The following INPP4B variants were observed in gnomAD, a reference collection of about 807,000 sequenced individuals.
INPP4B encodes inositol polyphosphate 4-phosphatase type II.
In INPP4B, 55 loss-of-function variants were observed where a neutral mutation model predicts 122.5. The observed-to-expected ratio is 0.45, with a 90% CI of 0.36 to 0.56. The LOEUF (loss-of-function observed/expected upper bound fraction) is 0.56. Among genes scored for constraint, INPP4B ranks in the 20% least tolerant of loss-of-function variants. INPP4B has a pLI of 0.00. For synonymous variants in INPP4B, 403 were observed against 388.7 expected, an observed-to-expected ratio of 1.04 and a Z score of -0.43; for missense variants, 1,000 against 1,097.7, an observed-to-expected ratio of 0.91 and a Z score of 1.26.
At chr4:142,445,200 T>G (rs955399017) in intron 3 of INPP4B, among the ~76,000 whole-genome samples, 3 of 151,910 alleles carry the variant, frequency 2.0e-5, no homozygotes, top group Admixed American at 6.6e-5. Context: ...AAAAAAAAAT[T>G]ATCCAGACTT....
In INPP4B at chr4:142,124,619, G is replaced by A. The variant is rs145209328; in HGVS notation, c.1862C>T (p.Thr621Met). The A allele has an allele frequency of 2.6e-4, 413 of 1,613,432 alleles. 1 individual carries two copies. The highest frequency in any genetic ancestry group is 6.0e-5 in the Non-Finnish European group (71 of 1,179,600). ...GCTGAAGACGATGTCTCTTCTTAGC[G>A]TCAGCATCAGACACTGGGGCAAGCT... ...AYSLPQCLMLTLRRDIVFSQA... is the reference protein window; with the variant it reads ...AYSLPQCLMLMLRRDIVFSQA... Residue 621 changes from threonine (T) to methionine (M), a missense_variant, in exon 19 of 26, where the codon ACG (threonine) becomes ATG (methionine). Thr to Met is a moderately conservative substitution (Grantham distance 81, BLOSUM62 -1). Transcript: ENST00000262992.
chr4:142,661,270 C>A (rs1755122866), intron 2 of INPP4B, among the ~76,000 whole-genome samples: 2 of 152,300 alleles, frequency 1.3e-5, no homozygotes, highest in South Asian at 4.1e-4. Context: ...AAAAGTCCTA[C>A]AATACCAGGG....
chr4:142,268,346 A>AAAAAAAAAAAAAAAAAAAAAAAGAC (rs79776246), intron 10 of INPP4B, among the ~76,000 whole-genome samples: 1 of 144,954 alleles, frequency 6.9e-6, no homozygotes, highest in Non-Finnish European at 1.5e-5. Flanking sequence ...AAAAAAAAAA[A>AAAAAAAAAAAAAAAAAAAAAAAGAC]TGAGGGGTAA....
At chr4:142,394,813 C>T (rs562292986) in intron 7 of INPP4B, among the ~76,000 whole-genome samples, 1 of 152,252 alleles carries the variant, frequency 6.6e-6, no homozygotes, top group South Asian at 2.1e-4. Context: ...GCCTTTGATG[C>T]AATCTCATTT....
At chr4:142,817,776 G>A (rs1044034606) in intron 1 of INPP4B, among the ~76,000 whole-genome samples, 61 of 152,158 alleles carry the variant, frequency 4.0e-4, no homozygotes, top group African/African-American at 1.4e-3. Context: ...ATCATATTGT[G>A]CAACTTTATA....
intron 2 of INPP4B, among the ~76,000 whole-genome samples, chr4:142,486,576 T>G (rs762437234): frequency 7.2e-4 from 110 of 152,282 alleles, no homozygotes; most frequent in Middle Eastern, 6.8e-3. Flanking sequence ...TTTAATTTTC[T>G]TAATGGTTTC....
intron 1 of INPP4B, among the ~76,000 whole-genome samples, chr4:142,836,384 T>C (rs754860548): frequency 4.6e-5 from 7 of 152,066 alleles, no homozygotes; most frequent in Non-Finnish European, 8.8e-5. Context: ...TAAATCAATG[T>C]ACCAGAACCA....
chr4:142,527,999 AC>A (rs1379092802), intron 2 of INPP4B, among the ~76,000 whole-genome samples: 2 of 152,098 alleles, frequency 1.3e-5, no homozygotes, highest in Admixed American at 1.3e-4. Flanking sequence ...TGCATAATTT[AC>A]TATCATGCAC....
chr4:142,728,324 A>G (rs1340374616), intron 1 of INPP4B, among the ~76,000 whole-genome samples: 2 of 152,220 alleles, frequency 1.3e-5, no homozygotes, highest in Non-Finnish European at 2.9e-5. Context: ...AATTAGGAAG[A>G]GACTTTGATT....
chr4:142,573,541 T>TTGCC (rs1379656568), intron 2 of INPP4B, among the ~76,000 whole-genome samples: 4 of 152,132 alleles, frequency 2.6e-5, no homozygotes, highest in Non-Finnish European at 5.9e-5. Flanking sequence ...GTGATCTCTA[T>TTGCC]TGCCTGTTTC....
At chr4:142,336,321 C>A (rs1646155468) in intron 7 of INPP4B, among the ~76,000 whole-genome samples, 1 of 152,150 alleles carries the variant, frequency 6.6e-6, no homozygotes, top group Admixed American at 6.5e-5. Context: ...GGAGAAAATA[C>A]CGCTGGGGGC....
chr4:142,539,471 A>T lies in INPP4B; in HGVS notation c.-190-76745T>A, dbSNP rs763766088. Among the ~76,000 whole-genome samples, 50 of 152,172 alleles carry T rather than the reference A, an allele frequency of 3.3e-4. 1 individual carries two copies. Among genetic ancestry groups the T allele is most frequent in the South Asian group, 1.5e-3 (7 of 4,820 alleles). ...TGAACTGACCACATGGTTCAATCTA[A>T]ATATTTCATCAATGGTCTTAGCAAA... On this transcript the variant is annotated intron_variant, in intron 2 of 25. Transcript: ENST00000262992.
chr4:142,600,973 A>T (rs1739765002), intron 2 of INPP4B, among the ~76,000 whole-genome samples: 1 of 152,122 alleles, frequency 6.6e-6, no homozygotes, highest in Non-Finnish European at 1.5e-5. Flanking sequence ...TAATAAAGAG[A>T]TCAATCTACC....
chr4:142,472,060 C>G (rs1289368893), intron 2 of INPP4B, among the ~76,000 whole-genome samples: 1 of 152,006 alleles, frequency 6.6e-6, no homozygotes, highest in African/African-American at 2.4e-5. Flanking sequence ...CAAAGGAATT[C>G]CTTTTTCCTT....
intron 7 of INPP4B, among the ~76,000 whole-genome samples, chr4:142,389,370 C>A (rs1016111465): frequency 4.0e-5 from 6 of 151,850 alleles, no homozygotes; most frequent in African/African-American, 1.2e-4. Flanking sequence ...CGTAAAAGAG[C>A]TCTAATTAAT....
intron 7 of INPP4B, among the ~76,000 whole-genome samples, chr4:142,344,194 A>T (rs1299381673): frequency 6.6e-6 from 1 of 152,104 alleles, no homozygotes; most frequent in Admixed American, 6.6e-5. Context: ...TAACCACAGA[A>T]ATAAGAGATA....
intron 22 of INPP4B, among the ~76,000 whole-genome samples, 187 bp from the exon 23 acceptor site, chr4:142,108,377 T>A (rs970927657): frequency 6.6e-6 from 1 of 152,166 alleles, no homozygotes; most frequent in African/African-American, 2.4e-5. Context: ...CTGATTTCAC[T>A]AATCGCTTCT....
chr4:142,075,239 T>A (rs555414841), intron 25 of INPP4B, among the ~76,000 whole-genome samples: 1 of 152,170 alleles, frequency 6.6e-6, no homozygotes, highest in East Asian at 1.9e-4. Context: ...ATATTTCTAT[T>A]AATGACCTGT....
chr4:142,151,991 T>G (rs1814170591), intron 17 of INPP4B, among the ~76,000 whole-genome samples: 1 of 151,766 alleles, frequency 6.6e-6, no homozygotes, highest in Non-Finnish European at 1.5e-5. Flanking sequence ...CAATCTAAAT[T>G]CTTGCCCTTT....
Sources: allele counts gnomAD v4.1 joint callset (sites outside exome capture counted in the v4.1 genomes callset), GRCh38; gene constraint gnomAD v4.1.1; transcripts MANE v1.5; gene names NCBI Gene and HGNC (gene_info 2026-07-23, HGNC 2026-07-21).